ACADSB: variants seen among roughly 807,000 people sequenced by gnomAD.
ACADSB encodes the protein short/branched chain specific acyl-CoA dehydrogenase, mitochondrial.
ACADSB carries 40 observed loss-of-function variants against 54.1 expected under a neutral mutation model. The observed-to-expected ratio is 0.74, with a 90% confidence interval of 0.57 to 0.96. The LOEUF (loss-of-function observed/expected upper bound fraction) is 0.96, where lower values mean the gene tolerates loss of function less well. Among genes scored for constraint, ACADSB ranks in the 40% least tolerant of loss-of-function variants. ACADSB has a pLI of 0.00. For synonymous variants in ACADSB, 182 were observed against 182.8 expected, an observed-to-expected ratio of 1.00 and a Z score of 0.03; for missense variants, 530 against 510.4, an observed-to-expected ratio of 1.04 and a Z score of -0.37.
intron 2 of ACADSB, among the ~76,000 whole-genome samples, chr10:123,034,834 T>G (rs1238626308): frequency 6.6e-6 from 1 of 152,234 alleles, no homozygotes; most frequent in Non-Finnish European, 1.5e-5. Context: ...GTTCTCTAGT[T>G]CCCCAGTTCT....
At chr10:123,014,134 T>C (rs560504926) in intron 1 of ACADSB, among the ~76,000 whole-genome samples, 36 of 152,298 alleles carry the variant, frequency 2.4e-4, no homozygotes, top group Admixed American at 1.1e-3. Context: ...AGGACAACTT[T>C]GGCCTTCTCT....
rs868646540 is a variant in ACADSB, at chr10:123,058,089, G to A, written c.*4324G>A. The A allele has an allele frequency of 6.6e-6, 1 of 152,172 alleles. No homozygotes were observed. Among genetic ancestry groups the A allele is most frequent in the African/African-American group, 2.4e-5 (1 of 41,444 alleles). The allele number at this position is 152,172 out of a possible 1,614,324, so 9.4% of individuals were successfully genotyped here. ...CAGCATGTCAAATGTGAAGATTATT[G>A]TGTGGGATCCTTTGGTTTCATTGTT... On this transcript the variant is annotated 3_prime_UTR_variant, in exon 11 of 11. Coordinates refer to ENST00000358776, the MANE Select transcript of ACADSB (RefSeq NM_001609.4).
At chr10:123,016,585 A>G (rs988688515) in intron 1 of ACADSB, among the ~76,000 whole-genome samples, 1 of 152,332 alleles carries the variant, frequency 6.6e-6, no homozygotes, top group South Asian at 2.1e-4. Flanking sequence ...TTCTCAGGCA[A>G]TATTTAGTTT....
rs1676617170 is a variant in ACADSB at position 123,034,477 on chromosome 10, A to C, written c.164A>C (p.Gln55Pro). The C allele has an allele frequency of 6.2e-7, 1 of 1,611,910 alleles. No homozygotes were observed. Among genetic ancestry groups the C allele is most frequent in the Non-Finnish European group, 8.5e-7 (1 of 1,179,956 alleles). ...TNNGIHFAPL[Q>P]TFTDEEMMIK... Reference sequence around the variant, plus strand: ...AATGGAATACACTTTGCTCCCCTGCAAACATTTACAGATGAGGAAATGATG... The same window carrying C: ...AATGGAATACACTTTGCTCCCCTGCCAACATTTACAGATGAGGAAATGATG... The change falls in exon 2 of 11, where the codon CAA (glutamine) becomes CCA (proline). Residue 55 changes from glutamine (Q) to proline (P), a missense_variant. By Grantham distance (76) the Gln-to-Pro change is moderately conservative. Transcript: ENST00000358776.
chr10:123,050,962 A>G, intron 8 of ACADSB, 87 bp from the exon 9 acceptor site: 1 of 1,409,698 alleles, frequency 7.1e-7, no homozygotes, highest in East Asian at 2.4e-5. Context: ...TGAGTCTGTC[A>G]GTGTTGTGTA....
Position 123,040,687 on chromosome 10 carries a change from ATTG to A in ACADSB, c.510+19_510+21del. On this transcript the variant is annotated intron_variant, in intron 4 of 10. Transcript: ENST00000358776. ...CTACAGAAAAAGTGAGTTGAGATGA[ATTG>A]TTGATCTAATGGATCTAATCTTTAG... The A allele has an allele frequency of 6.3e-7, 1 of 1,598,560 alleles. No individual in the cohort carries two copies. Among genetic ancestry groups the A allele is most frequent in the Non-Finnish European group, 8.6e-7 (1 of 1,165,962 alleles).
Position 123,040,490 on chromosome 10 carries a change from G to A in ACADSB, c.328G>A (p.Glu110Lys). The A allele has an allele frequency of 6.2e-7, 1 of 1,614,130 alleles. No homozygotes were observed. Among genetic ancestry groups the A allele is most frequent in the Non-Finnish European group, 8.5e-7 (1 of 1,180,010 alleles). ...GTTGATGGGTATTGAAGTTGACCCAGAATATGGAGGCACAGGAGCTTCATT... is the reference window on the plus strand; with the variant it reads ...GTTGATGGGTATTGAAGTTGACCCAAAATATGGAGGCACAGGAGCTTCATT... ...QGLMGIEVDPEYGGTGASFLS... is the reference protein window; with the variant it reads ...QGLMGIEVDPKYGGTGASFLS... Residue 110 changes from glutamate to lysine, a missense_variant, in exon 4 of 11, where the codon GAA becomes AAA. Physicochemically the swap from Glu to Lys is moderately conservative, Grantham distance 56. Transcript: ENST00000358776.
intron 1 of ACADSB, among the ~76,000 whole-genome samples, chr10:123,022,490 C>T (rs2133461932): frequency 6.6e-6 from 1 of 152,364 alleles, no homozygotes; most frequent in East Asian, 1.9e-4. Flanking sequence ...CTAACTATGA[C>T]ATGAACCCCA....
chr10:123,055,006 G>A lies in ACADSB; in HGVS notation c.*1241G>A, dbSNP rs1850686368. The A allele has an allele frequency of 6.6e-6, 1 of 152,176 alleles. No homozygotes were observed. The highest frequency in any genetic ancestry group is 1.9e-4 in the East Asian group (1 of 5,194). 9.4% of individuals were successfully genotyped at this position (152,176 alleles called of 1,614,324 possible). A position where few individuals can be genotyped will look rare whatever the true frequency, so the allele number is the denominator to read the frequency against. Reference sequence around the variant, plus strand: ...TCTCATAAGGAATGAGGGAGAGAAGGGGGCTGTAGAGTTTGAAAAAGCATA... The same window carrying A: ...TCTCATAAGGAATGAGGGAGAGAAGAGGGCTGTAGAGTTTGAAAAAGCATA... On this transcript the variant is annotated 3_prime_UTR_variant, in exon 11 of 11. Coordinates refer to ENST00000358776, the MANE Select transcript of ACADSB (RefSeq NM_001609.4).
chr10:123,026,777 G>T (rs1850259155), intron 1 of ACADSB, among the ~76,000 whole-genome samples: 1 of 151,682 alleles, frequency 6.6e-6, no homozygotes. Flanking sequence ...CTACATTTTT[G>T]AAAGGACAGG....
intron 1 of ACADSB, among the ~76,000 whole-genome samples, chr10:123,015,953 C>T (rs2133455731): frequency 6.6e-6 from 1 of 152,242 alleles, no homozygotes; most frequent in South Asian, 2.1e-4. Flanking sequence ...TAAAAGAAGA[C>T]TTGAGAAGAT....
chr10:123,056,271 CG>C lies in ACADSB; in HGVS notation c.*2510del. Reference sequence around the variant, plus strand: ...AATTGGACTTACAGTTCCACATGGCCGGGGAGGCCTCAGAATCATGGCGGGA... The same window carrying C: ...AATTGGACTTACAGTTCCACATGGCCGGGAGGCCTCAGAATCATGGCGGGA... On this transcript the variant is annotated 3_prime_UTR_variant, in exon 11 of 11. Transcript: ENST00000358776. The C allele has an allele frequency of 1.8e-5, 4 of 219,610 alleles. No homozygotes were observed. Among genetic ancestry groups the C allele is most frequent in the Non-Finnish European group, 3.5e-5 (4 of 113,200 alleles). The allele number at this position is 219,610 out of a possible 1,614,324, so 13.6% of individuals were successfully genotyped here. A position where few individuals can be genotyped will look rare whatever the true frequency, so the allele number is the denominator to read the frequency against.
intron 1 of ACADSB, among the ~76,000 whole-genome samples, chr10:123,019,846 A>G (rs559776265): frequency 1.3e-5 from 2 of 152,132 alleles, no homozygotes; most frequent in Non-Finnish European, 2.9e-5. Flanking sequence ...TCTTATAACC[A>G]CTCGCTACCC....
rs60480402 is a variant in ACADSB at position 123,042,457 on chromosome 10, CT to C, written c.682-569del. Among the ~76,000 whole-genome samples the C allele has an allele frequency of 6.2e-3, 723 of 115,754 alleles. 3 individuals are homozygous for C. Among genetic ancestry groups the C allele is most frequent in the African/African-American group, 0.021 (634 of 30,186 alleles). The allele number at this position is 115,754 out of a possible 152,430, so 75.9% of individuals were successfully genotyped here. ...TAACAATTGAATTAAATTGTTAAAA[CT>C]TTTTTTTTTTTTTTTTTTTGAGACG... On this transcript the variant is annotated intron_variant, in intron 5 of 10. Coordinates refer to ENST00000358776, the MANE Select transcript of ACADSB (RefSeq NM_001609.4).
rs1850681743 is a variant in ACADSB at position 123,054,688 on chromosome 10, G to A, written c.*923G>A. 6.6e-6 allele frequency: 1 copy of A among 152,140 alleles called. No individual in the cohort carries two copies. The highest frequency in any genetic ancestry group is 2.4e-5 in the African/African-American group (1 of 41,432). The allele number at this position is 152,140 out of a possible 1,614,324, so 9.4% of individuals were successfully genotyped here. On this transcript the variant is annotated 3_prime_UTR_variant, in exon 11 of 11. Coordinates refer to ENST00000358776, the MANE Select transcript of ACADSB (RefSeq NM_001609.4). ...TATGATTTGTTACTATAATTAACCT[G>A]TATAAAAGATACATTTTATGGTGGT...
intron 1 of ACADSB, among the ~76,000 whole-genome samples, chr10:123,025,787 G>T (rs1589735011): frequency 6.6e-6 from 1 of 152,174 alleles, no homozygotes. Flanking sequence ...GCCCAGTGTG[G>T]TGGTGGCTCA....
intron 6 of ACADSB, 63 bp downstream of exon 6, chr10:123,043,234 G>A (rs1850499719): frequency 6.2e-7 from 1 of 1,601,278 alleles, no homozygotes; most frequent in Non-Finnish European, 8.5e-7. Flanking sequence ...GGAACCACAG[G>A]AGGTGTGCAA....
rs956086302 is a variant in ACADSB, at chr10:123,056,317, A to T, written c.*2552A>T. 1 of 245,336 alleles carries T rather than the reference A, an allele frequency of 4.1e-6. No individual in the cohort carries two copies. 15.2% of individuals were successfully genotyped at this position (245,336 alleles called of 1,614,324 possible). Reference sequence around the variant, plus strand: ...GCGGGAGGTGAAAAGCACTTCGTACATGGTGGTGGCAAGAGAAAATGAAGA... The same window carrying T: ...GCGGGAGGTGAAAAGCACTTCGTACTTGGTGGTGGCAAGAGAAAATGAAGA... On this transcript the variant is annotated 3_prime_UTR_variant, in exon 11 of 11. Coordinates refer to ENST00000358776, the MANE Select transcript of ACADSB (RefSeq NM_001609.4).
At chr10:123,013,397 G>A (rs1332130653) in intron 1 of ACADSB, among the ~76,000 whole-genome samples, 1 of 152,216 alleles carries the variant, frequency 6.6e-6, no homozygotes, top group Non-Finnish European at 1.5e-5. Context: ...AGACACAAAG[G>A]TTCTCCAAGT....
Sources: allele counts gnomAD v4.1 joint callset (sites outside exome capture counted in the v4.1 genomes callset), GRCh38; gene constraint gnomAD v4.1.1; transcripts MANE v1.5; gene names NCBI Gene and HGNC (gene_info 2026-07-23, HGNC 2026-07-21).